Variants in STK31 observed in about 807,000 individuals in gnomAD.
The protein encoded by STK31 is serine/threonine kinase 31.
STK31 carries 89 observed loss-of-function variants against 129.7 expected under a neutral mutation model. The ratio of observed to expected loss-of-function variants is 0.69; its 90% CI spans 0.58 to 0.82. The LOEUF (loss-of-function observed/expected upper bound fraction) is 0.82. Among genes scored for constraint, STK31 ranks in the 40% least tolerant of loss-of-function variants. The probability of loss-of-function intolerance (pLI) is 0.00; values close to 1 mark genes in which losing one functional copy is unlikely to be tolerated. For synonymous variants in STK31, 448 were observed against 395.3 expected (o/e 1.13, Z -1.58); for missense variants, 1,187 against 1,176.4 (o/e 1.01, Z -0.13).
intron 7 of STK31, among the ~76,000 whole-genome samples, chr7:23,736,305 CTCTT>C (rs1403651917): frequency 2.0e-5 from 3 of 152,060 alleles, no homozygotes; most frequent in Non-Finnish European, 4.4e-5. Flanking sequence ...AAAAGTGAGG[CTCTT>C]TCTTCTTCTT....
intron 22 of STK31, among the ~76,000 whole-genome samples, chr7:23,805,081 C>CTT (rs66605281): frequency 1.3e-5 from 2 of 148,164 alleles, no homozygotes; most frequent in Non-Finnish European, 3.0e-5. Flanking sequence ...CTCTCTCTCT[C>CTT]TTTTTTTTTT....
chr7:23,737,920 GT>G (rs1406456388), intron 8 of STK31, among the ~76,000 whole-genome samples: 1 of 151,548 alleles, frequency 6.6e-6, no homozygotes, highest in African/African-American at 2.4e-5. Context: ...CAAATCTGTT[GT>G]TCCTGCACTA....
At chr7:23,813,078 CT>C (rs70956924) in intron 22 of STK31, among the ~76,000 whole-genome samples, 271 of 94,094 alleles carry the variant, frequency 2.9e-3, no homozygotes, top group South Asian at 7.9e-3. Flanking sequence ...GCTCTCTGTT[CT>C]TTTTTTTTTT....
intron 6 of STK31, among the ~76,000 whole-genome samples, 200 bp downstream of exon 6, chr7:23,729,449 A>G (rs577756286): frequency 1.8e-4 from 27 of 152,096 alleles, no homozygotes; most frequent in African/African-American, 6.5e-4. Flanking sequence ...TGACATACAC[A>G]TATATAATAT....
At chr7:23,802,204 G>C (rs1792416972) in intron 22 of STK31, among the ~76,000 whole-genome samples, 1 of 152,174 alleles carries the variant, frequency 6.6e-6, no homozygotes. Flanking sequence ...GGAGAAGGGA[G>C]TTTGAGGGAG....
chr7:23,787,637 C>T (rs761367530), intron 20 of STK31, among the ~76,000 whole-genome samples: 6 of 152,070 alleles, frequency 3.9e-5, no homozygotes, highest in Non-Finnish European at 4.4e-5. Context: ...AATCTAATGC[C>T]TGTGATCTGA....
At chr7:23,723,881 C>T (rs969521383) in intron 4 of STK31, among the ~76,000 whole-genome samples, 2 of 152,192 alleles carry the variant, frequency 1.3e-5, no homozygotes, top group Non-Finnish European at 2.9e-5. Flanking sequence ...AGAAACGCCA[C>T]ACTCTGAGAC....
intron 4 of STK31, among the ~76,000 whole-genome samples, chr7:23,719,320 T>C (rs2128064416): frequency 6.6e-6 from 1 of 152,170 alleles, no homozygotes; most frequent in East Asian, 1.9e-4. Flanking sequence ...AAAGACAATA[T>C]GAAAAAGCCA....
chr7:23,781,977 T>C (rs1249061195), intron 16 of STK31, among the ~76,000 whole-genome samples: 3 of 152,188 alleles, frequency 2.0e-5, no homozygotes, highest in Admixed American at 1.3e-4. Context: ...GCACATAATT[T>C]AGTTGAAGAA....
intron 8 of STK31, among the ~76,000 whole-genome samples, chr7:23,750,067 T>TCCTCCCCCCCC (rs1554287953): frequency 1.1e-5 from 1 of 90,556 alleles, no homozygotes. Flanking sequence ...ATGGTTTGTT[T>TCCTCCCCCCCC]CCCCCCCCGC....
intron 6 of STK31, among the ~76,000 whole-genome samples, chr7:23,729,862 A>ATTGTT (rs1787299352): frequency 6.6e-6 from 1 of 152,150 alleles, no homozygotes; most frequent in African/African-American, 2.4e-5. Flanking sequence ...TATTTCTATA[A>ATTGTT]TTGTTTTGGG....
At chr7:23,810,921 A>G (rs865816123) in intron 22 of STK31, among the ~76,000 whole-genome samples, 1 of 118,714 alleles carries the variant, frequency 8.4e-6, no homozygotes, top group East Asian at 2.1e-4. Flanking sequence ...AAATATATGT[A>G]TATATGTGTG....
intron 5 of STK31, among the ~76,000 whole-genome samples, chr7:23,728,072 C>CTTTTTTTTTTTTTTTTT (rs56355518): frequency 5.9e-5 from 4 of 68,290 alleles, no homozygotes; most frequent in African/African-American, 1.3e-4. Context: ...TTGTGTTAAG[C>CTTTTTTTTTTTTTTTTT]TTTTTTTTTT....
chr7:23,754,339 C>A lies in STK31; in HGVS notation c.1158C>A (p.Phe386Leu). The change falls in exon 10 of 24, where the codon TTC becomes TTA. Residue 386 changes from phenylalanine (F) to leucine (L), a missense_variant. This residue lies in a region of STK31 where 975 missense variants were observed against 934.9 expected (regional missense o/e 1.04). Coordinates refer to ENST00000355870, the MANE Select transcript of STK31 (RefSeq NM_031414.5). The part of the protein sequence containing the change: ...EMRHVDISVR[F>L]GKDLSDAIQV... Reference sequence around the variant, plus strand: ...GGCATGTCGACATCAGTGTCCGTTTCGGAAAAGACCTTTCAGATGCTATAC... The same window carrying A: ...GGCATGTCGACATCAGTGTCCGTTTAGGAAAAGACCTTTCAGATGCTATAC... 1 of 1,610,680 alleles carries A rather than the reference C, an allele frequency of 6.2e-7. No homozygotes were observed. The highest frequency in any genetic ancestry group is 1.1e-5 in the South Asian group (1 of 89,860).
chr7:23,783,415 A>C (rs1339441979), intron 16 of STK31, among the ~76,000 whole-genome samples, 168 bp from the exon 17 acceptor site: 2 of 152,184 alleles, frequency 1.3e-5, no homozygotes, highest in African/African-American at 4.8e-5. Flanking sequence ...ATGCAAGGTG[A>C]GTCGTGGTTT....
intron 23 of STK31, among the ~76,000 whole-genome samples, chr7:23,820,739 G>GT (rs927257018): frequency 1.2e-4 from 18 of 152,262 alleles, no homozygotes; most frequent in African/African-American, 4.3e-4. Flanking sequence ...GAGATCAACT[G>GT]TTATAGCTCC....
At chr7:23,710,883 T>C (rs1785911463) in intron 1 of STK31, 1 of 784,832 alleles carries the variant, frequency 1.3e-6, no homozygotes, top group East Asian at 1.2e-4. Context: ...CTTAATGCTT[T>C]CCGTGGGAAT....
At chr7:23,822,590 C>T (rs1793848555) in intron 23 of STK31, among the ~76,000 whole-genome samples, 2 of 151,970 alleles carry the variant, frequency 1.3e-5, no homozygotes, top group African/African-American at 4.8e-5. Context: ...GACAGTTTGA[C>T]TTTTTCTTTT....
chr7:23,746,529 G>C (rs563438090), intron 8 of STK31, among the ~76,000 whole-genome samples: 1 of 152,084 alleles, frequency 6.6e-6, no homozygotes, highest in Non-Finnish European at 1.5e-5. Context: ...AAATAACAGT[G>C]GCCTCTAGTG....
Sources: gnomAD v4.1 joint callset for allele counts (sites outside exome capture counted in the v4.1 genomes callset) on GRCh38, gnomAD v4.1.1 for gene constraint, gnomAD v4.1.1 regional missense constraint, MANE v1.5 for transcripts, NCBI Gene and HGNC (gene_info 2026-07-23, HGNC 2026-07-21) for gene names.